STXBP6: variants seen among roughly 807,000 people sequenced by gnomAD.
The protein encoded by STXBP6 is syntaxin binding protein 6, also known as syntaxin-binding protein 6.
In STXBP6, 21 loss-of-function variants were observed where a neutral mutation model predicts 26.9. That is an observed-to-expected ratio of 0.78 (90% CI 0.55 to 1.12). STXBP6 has a LOEUF of 1.12. Among genes scored for constraint, STXBP6 ranks in the 50% most tolerant of loss-of-function variants. The probability of loss-of-function intolerance (pLI) is 0.00; values close to 1 mark genes in which losing one functional copy is unlikely to be tolerated. For missense variants in STXBP6, 232 were observed against 257.9 expected (o/e 0.90, Z 0.69); for synonymous variants, 97 against 92.6 (o/e 1.05, Z -0.27).
chr14:24,904,430 T>C (rs535300766), intron 2 of STXBP6, among the ~76,000 whole-genome samples: 1 of 152,194 alleles, frequency 6.6e-6, no homozygotes, highest in Non-Finnish European at 1.5e-5. Flanking sequence ...TGTAGAATAT[T>C]ACTTTTAATG....
intron 2 of STXBP6, among the ~76,000 whole-genome samples, chr14:24,906,814 T>G (rs902643282): frequency 2.6e-5 from 4 of 152,198 alleles, no homozygotes; most frequent in African/African-American, 9.6e-5. Context: ...GGAGATGAGT[T>G]GTCTACTTCA....
chr14:24,988,260 C>A (rs1016233649), intron 1 of STXBP6, among the ~76,000 whole-genome samples: 1 of 152,162 alleles, frequency 6.6e-6, no homozygotes, highest in Non-Finnish European at 1.5e-5. Flanking sequence ...GGGGCAGGAC[C>A]TATCCTTCTT....
Position 24,812,500 on chromosome 14 carries a change from T to C in STXBP6, c.*209A>G. 3 of 588,388 alleles carry C rather than the reference T, an allele frequency of 5.1e-6. No homozygotes were observed. The highest frequency in any genetic ancestry group is 9.0e-6 in the Non-Finnish European group (3 of 331,914). 36.4% of individuals were successfully genotyped at this position (588,388 alleles called of 1,614,324 possible). A position where few individuals can be genotyped will look rare whatever the true frequency, so the allele number is the denominator to read the frequency against. On this transcript the variant is annotated 3_prime_UTR_variant, in exon 6 of 6. Coordinates refer to ENST00000323944, the MANE Select transcript of STXBP6 (RefSeq NM_001394410.1). The stretch of plus-strand genomic sequence containing the variant: ...AAAACCCAAAATGAAGCTGATGCTA[T>C]TGTAGCATTTATTAGCAAGATCATT...
chr14:25,015,640 GCA>G (rs2075132156), intron 1 of STXBP6, among the ~76,000 whole-genome samples: 1 of 152,052 alleles, frequency 6.6e-6, no homozygotes, highest in Non-Finnish European at 1.5e-5. Flanking sequence ...AAGAATATGT[GCA>G]CCAATGACTA....
At chr14:24,877,985 G>A (rs896817866) in intron 2 of STXBP6, among the ~76,000 whole-genome samples, 3 of 152,052 alleles carry the variant, frequency 2.0e-5, no homozygotes, top group South Asian at 2.1e-4. Flanking sequence ...GTTTTAACTT[G>A]CATTTGTCTT....
chr14:24,971,899 C>T (rs1017787485), intron 2 of STXBP6, among the ~76,000 whole-genome samples: 5 of 152,292 alleles, frequency 3.3e-5, no homozygotes, highest in African/African-American at 9.6e-5. Flanking sequence ...GCGGTACCCA[C>T]GGAACATAGA....
chr14:24,933,298 T>C (rs553288611), intron 2 of STXBP6, among the ~76,000 whole-genome samples: 5 of 152,268 alleles, frequency 3.3e-5, no homozygotes, highest in African/African-American at 1.2e-4. Context: ...GCCAAGATCA[T>C]GCCACTGCAC....
intron 1 of STXBP6, among the ~76,000 whole-genome samples, chr14:25,012,036 C>T (rs1201522963): frequency 2.6e-5 from 4 of 152,082 alleles, no homozygotes; most frequent in Non-Finnish European, 5.9e-5. Flanking sequence ...AGGTGCAGTA[C>T]AACGGGACAA....
chr14:24,879,743 C>T (rs2139414654), intron 2 of STXBP6, among the ~76,000 whole-genome samples: 1 of 152,098 alleles, frequency 6.6e-6, no homozygotes, highest in African/African-American at 2.4e-5. Flanking sequence ...TCCAGGCACT[C>T]TTTTTACAAT....
intron 2 of STXBP6, among the ~76,000 whole-genome samples, chr14:24,862,024 T>TCTCA (rs757549267): frequency 1.3e-5 from 2 of 152,172 alleles, no homozygotes; most frequent in Non-Finnish European, 2.9e-5. Context: ...TCAAGACAGG[T>TCTCA]CTCACTCTGT....
rs964092574 is a variant in STXBP6 at position 24,811,779 on chromosome 14, C to T, written c.*930G>A. ...GAAGGTGTCTCTAAAATAGGCATGA[C>T]TGTAAAAAGACAAGACAAACATTTT... On this transcript the variant is annotated 3_prime_UTR_variant, in exon 6 of 6. Transcript: ENST00000323944. 3.3e-5 allele frequency: 5 copies of T among 152,156 alleles called. No homozygotes were observed. The highest frequency in any genetic ancestry group is 1.2e-4 in the African/African-American group (5 of 41,422). The allele number at this position is 152,156 out of a possible 1,614,324, so 9.4% of individuals were successfully genotyped here.
At chr14:25,043,302 G>A (rs758536401) in intron 1 of STXBP6, among the ~76,000 whole-genome samples, 2 of 151,982 alleles carry the variant, frequency 1.3e-5, no homozygotes, top group African/African-American at 2.4e-5. Flanking sequence ...AAGGATAAAC[G>A]AATAATCCAG....
intron 1 of STXBP6, among the ~76,000 whole-genome samples, chr14:24,997,877 T>C (rs1432515415): frequency 2.0e-5 from 3 of 152,162 alleles, no homozygotes; most frequent in Non-Finnish European, 4.4e-5. Flanking sequence ...CTTGTGTGTA[T>C]ATAAAAAGAG....
chr14:25,018,270 C>T (rs575422532), intron 1 of STXBP6, among the ~76,000 whole-genome samples: 7 of 152,198 alleles, frequency 4.6e-5, no homozygotes, highest in African/African-American at 1.4e-4. Flanking sequence ...TAAATACTAG[C>T]GTGGGTGCCT....
intron 2 of STXBP6, among the ~76,000 whole-genome samples, chr14:24,860,038 A>C (rs1414623499): frequency 6.6e-6 from 1 of 152,214 alleles, no homozygotes; most frequent in Admixed American, 6.5e-5. Flanking sequence ...TTTGGTTAAG[A>C]AGCAGTGACA....
chr14:24,915,923 C>T (rs569085412), intron 2 of STXBP6, among the ~76,000 whole-genome samples: 10 of 152,182 alleles, frequency 6.6e-5, no homozygotes, highest in Non-Finnish European at 1.2e-4. Flanking sequence ...ATTTCTGAAC[C>T]GGCTTTTTTA....
chr14:24,851,238 TC>T (rs962264947), intron 4 of STXBP6, among the ~76,000 whole-genome samples: 4 of 7,648 alleles, frequency 5.2e-4, no homozygotes, highest in Non-Finnish European at 1.3e-3. Context: ...AGACCACGTC[TC>T]TTTTTTTTTT....
At chr14:24,991,300 C>A (rs1595268219) in intron 1 of STXBP6, among the ~76,000 whole-genome samples, 3 of 152,162 alleles carry the variant, frequency 2.0e-5, no homozygotes, top group South Asian at 2.1e-4. Context: ...ATTGGAATGA[C>A]CTGCTATTAC....
intron 2 of STXBP6, among the ~76,000 whole-genome samples, chr14:24,939,541 T>C (rs903939785): frequency 4.6e-5 from 7 of 152,172 alleles, no homozygotes; most frequent in African/African-American, 1.7e-4. Context: ...ATTCTGCCTA[T>C]GGCGATGGCC....
Sources: allele counts gnomAD v4.1 joint callset (sites outside exome capture counted in the v4.1 genomes callset), GRCh38; gene constraint gnomAD v4.1.1; transcripts MANE v1.5; gene names NCBI Gene and HGNC (gene_info 2026-07-23, HGNC 2026-07-21).